Variants in NARS2 observed in about 807,000 individuals in gnomAD.
NARS2 encodes asparaginyl-tRNA synthetase 2, mitochondrial.
Under a neutral mutation model 62.9 loss-of-function variants are expected in NARS2, and 60 were observed. That is an observed-to-expected ratio of 0.95 (90% CI 0.77 to 1.18). The LOEUF (loss-of-function observed/expected upper bound fraction) is 1.18, where lower values mean the gene tolerates loss of function less well. Ranked by LOEUF, NARS2 falls within the 50% of genes most tolerant of loss-of-function variation. NARS2 has a pLI of 0.00. For synonymous variants in NARS2, 196 were observed against 200.0 expected (o/e 0.98, Z 0.17); for missense variants, 619 against 576.4 (o/e 1.07, Z -0.76).
At chr11:78,482,213 T>C (rs147339900) in intron 7 of NARS2, among the ~76,000 whole-genome samples, 1 of 152,170 alleles carries the variant, frequency 6.6e-6, no homozygotes, top group African/African-American at 2.4e-5. Context: ...TAAACAATTA[T>C]AACTTAAAAA....
chr11:78,445,298 A>G (rs1857718702), intron 11 of NARS2, among the ~76,000 whole-genome samples: 1 of 152,204 alleles, frequency 6.6e-6, no homozygotes, highest in Non-Finnish European at 1.5e-5. Flanking sequence ...TAAATTAATT[A>G]TATTTCTTCA....
chr11:78,504,435 T>TTTG lies in NARS2; in HGVS notation c.690-11241_690-11240insCAA, dbSNP rs536024159. 2.5e-3 allele frequency among the ~76,000 whole-genome samples: 31 copies of TTTG among 12,236 alleles called. 2 individuals are homozygous for TTTG. The highest frequency in any genetic ancestry group is 5.4e-3 in the African/African-American group (25 of 4,648). 8.0% of individuals were successfully genotyped at this position (12,236 alleles called of 152,430 possible). A position where few individuals can be genotyped will look rare whatever the true frequency, so the allele number is the denominator to read the frequency against. ...CCTGTTTCATGTGGCAAAACACCAGTTTTTTTTTTTTTTTTTTTTTTCTGT... is the reference window on the plus strand; with the variant it reads ...CCTGTTTCATGTGGCAAAACACCAGTTTGTTTTTTTTTTTTTTTTTTTTTCTGT... On this transcript the variant is annotated intron_variant, in intron 6 of 13. Coordinates refer to ENST00000281038, the MANE Select transcript of NARS2 (RefSeq NM_024678.6).
chr11:78,463,713 C>CAAAAAAAAAAA (rs10649252), intron 11 of NARS2, among the ~76,000 whole-genome samples: 2 of 47,986 alleles, frequency 4.2e-5, no homozygotes, highest in Non-Finnish European at 3.7e-5. Context: ...TAGTTAAGGT[C>CAAAAAAAAAAA]AAAAAAAAAA....
chr11:78,502,084 A>G (rs1860301047), intron 6 of NARS2, among the ~76,000 whole-genome samples: 2 of 152,252 alleles, frequency 1.3e-5, no homozygotes, highest in African/African-American at 2.4e-5. Context: ...GCCACATACT[A>G]TATGATTTCC....
At chr11:78,547,464 T>C (rs991149408) in intron 5 of NARS2, among the ~76,000 whole-genome samples, 8 of 152,200 alleles carry the variant, frequency 5.3e-5, no homozygotes, top group African/African-American at 1.4e-4. Flanking sequence ...AATACATATA[T>C]TGATACACTG....
intron 11 of NARS2, among the ~76,000 whole-genome samples, chr11:78,444,737 A>C (rs919983832): frequency 4.6e-5 from 7 of 151,928 alleles, no homozygotes; most frequent in African/African-American, 1.7e-4. Context: ...CAAAAAAAAA[A>C]AAAAGGGTGA....
intron 5 of NARS2, among the ~76,000 whole-genome samples, chr11:78,540,218 CA>C (rs1855558901): frequency 6.6e-6 from 1 of 152,180 alleles, no homozygotes; most frequent in East Asian, 1.9e-4. Context: ...GTGTGTATCC[CA>C]GTGAATTTCT....
chr11:78,525,827 A>G (rs950867123), intron 6 of NARS2, among the ~76,000 whole-genome samples: 11 of 152,282 alleles, frequency 7.2e-5, no homozygotes, highest in African/African-American at 2.6e-4. Flanking sequence ...CATCATATGG[A>G]TATCACGTAT....
intron 5 of NARS2, among the ~76,000 whole-genome samples, chr11:78,557,903 T>A (rs115908807): frequency 0.014 from 2,166 of 150,866 alleles, 53 homozygotes; most frequent in African/African-American, 0.05. Flanking sequence ...AATGCAGTTA[T>A]CTCCAAATGT....
At chr11:78,520,830 T>A (rs1421584662) in intron 6 of NARS2, among the ~76,000 whole-genome samples, 2 of 151,722 alleles carry the variant, frequency 1.3e-5, no homozygotes, top group East Asian at 3.9e-4. Flanking sequence ...CCGAGGCGGG[T>A]GGATCACCTG....
At chr11:78,474,796 A>G (rs1859016261) in intron 9 of NARS2, among the ~76,000 whole-genome samples, 1 of 152,178 alleles carries the variant, frequency 6.6e-6, no homozygotes, top group Admixed American at 6.5e-5. Context: ...AAATGTCTGA[A>G]TTTTTAATTG....
Position 78,436,576 on chromosome 11 carries a change from G to C in NARS2, c.*94C>G. 2.3e-6 allele frequency: 3 copies of C among 1,307,198 alleles called. No homozygotes were observed. The Admixed American group carries it at 6.8e-5, about 30-fold the overall frequency. 81.0% of individuals were successfully genotyped at this position (1,307,198 alleles called of 1,614,324 possible). ...GCACAACAATTACATATTGAAATCT[G>C]CATTTCTAAAATCCAAACATGCATT... On this transcript the variant is annotated 3_prime_UTR_variant, in exon 14 of 14. Transcript: ENST00000281038.
At chr11:78,448,319 CTTT>C (rs72450922) in intron 11 of NARS2, among the ~76,000 whole-genome samples, 1 of 141,010 alleles carries the variant, frequency 7.1e-6, no homozygotes, top group Non-Finnish European at 1.5e-5. Flanking sequence ...GTAGTAATCA[CTTT>C]TTTTTTTTTT....
At chr11:78,515,459 A>C (rs1280808457) in intron 6 of NARS2, among the ~76,000 whole-genome samples, 1 of 152,150 alleles carries the variant, frequency 6.6e-6, no homozygotes, top group African/African-American at 2.4e-5. Flanking sequence ...AATGTTACAA[A>C]ATTAGGTAAT....
chr11:78,481,040 C>T lies in NARS2; in HGVS notation c.823-2357G>A, dbSNP rs545112113. On this transcript the variant is annotated intron_variant, in intron 7 of 13. Coordinates refer to ENST00000281038, the MANE Select transcript of NARS2 (RefSeq NM_024678.6). ...TTCACCATGTTGGCCAGGCTGGTCT[C>T]TAACTCCTGGCCTCAAGTGATCCAC... is the stretch of plus-strand genomic sequence containing the variant. Among the ~76,000 whole-genome samples the T allele has an allele frequency of 1.2e-4, 18 of 152,176 alleles. No individual in the cohort carries two copies. In the Middle Eastern group the frequency reaches 0.01, roughly 86 times the overall value.
chr11:78,437,754 A>G (rs1285763487), intron 13 of NARS2, among the ~76,000 whole-genome samples: 5 of 152,116 alleles, frequency 3.3e-5, no homozygotes, highest in Non-Finnish European at 7.4e-5. Flanking sequence ...AGGTGGGCGG[A>G]TCACTAGCTC....
intron 6 of NARS2, among the ~76,000 whole-genome samples, chr11:78,513,476 C>T (rs1234962328): frequency 6.6e-6 from 1 of 151,802 alleles, no homozygotes; most frequent in Non-Finnish European, 1.5e-5. Flanking sequence ...TCAGATCCCA[C>T]AAATAAGTAA....
intron 7 of NARS2, among the ~76,000 whole-genome samples, chr11:78,481,924 T>C (rs913502283): frequency 1.3e-5 from 2 of 152,132 alleles, no homozygotes; most frequent in Admixed American, 6.6e-5. Flanking sequence ...TCAAGAACGG[T>C]ATATACCCTG....
intron 6 of NARS2, among the ~76,000 whole-genome samples, chr11:78,513,635 G>T (rs529398422): frequency 6.6e-6 from 1 of 151,320 alleles, no homozygotes; most frequent in Admixed American, 6.6e-5. Context: ...AAAATTAGCC[G>T]GGCGTAGTGG....
Sources: allele counts gnomAD v4.1 joint callset (sites outside exome capture counted in the v4.1 genomes callset), GRCh38; gene constraint gnomAD v4.1.1; transcripts MANE v1.5; gene names NCBI Gene and HGNC (gene_info 2026-07-23, HGNC 2026-07-21).